Variants in NTN4 observed in about 807,000 individuals in gnomAD.
NTN4 encodes the protein netrin-4.
Under a neutral mutation model 73.6 loss-of-function variants are expected in NTN4, and 32 were observed. The ratio of observed to expected loss-of-function variants is 0.44; its 90% CI spans 0.33 to 0.58. The LOEUF (loss-of-function observed/expected upper bound fraction) is 0.58, where lower values mean the gene tolerates loss of function less well. NTN4 is among the 20% of genes least tolerant of loss of function. The pLI is 0.04. For synonymous variants in NTN4, 258 were observed against 287.5 expected (o/e 0.90, Z 1.04); for missense variants, 654 against 798.3 (o/e 0.82, Z 2.18).
chr12:95,749,480 A>C (rs1203779581), intron 2 of NTN4, among the ~76,000 whole-genome samples: 4 of 152,096 alleles, frequency 2.6e-5, no homozygotes, highest in Non-Finnish European at 4.4e-5. Flanking sequence ...ACTGTCCCTC[A>C]ACCACTTTCT....
intron 9 of NTN4, among the ~76,000 whole-genome samples, chr12:95,662,267 G>C (rs1160500500): frequency 4.4e-5 from 5 of 114,224 alleles, no homozygotes; most frequent in African/African-American, 1.4e-4. Context: ...GTCTCACTCT[G>C]TCACCCAGGC....
At chr12:95,676,404 G>C (rs1444630972) in intron 7 of NTN4, among the ~76,000 whole-genome samples, 1 of 150,884 alleles carries the variant, frequency 6.6e-6, no homozygotes, top group Non-Finnish European at 1.5e-5. Flanking sequence ...ACTGTGCCCA[G>C]CCCCGGGTAA....
chr12:95,781,549 A>C lies in NTN4; in HGVS notation c.585+5390T>G, dbSNP rs7303901. ...ATAGGATGATCTGTGCAGCAAACCA[A>C]TATGGCACACATTTACCTATGCAAC... On this transcript the variant is annotated intron_variant, in intron 2 of 9. Coordinates refer to ENST00000343702, the MANE Select transcript of NTN4 (RefSeq NM_021229.4). The surrounding 1 kb of genome is among the most constrained non-coding windows in gnomAD (Gnocchi z 4.1). Among the ~76,000 whole-genome samples, 93,210 of 151,832 alleles carry C rather than the reference A, an allele frequency of 0.61. 29,267 individuals are homozygous for C. The highest frequency in any genetic ancestry group is 0.78 in the South Asian group (3,758 of 4,810).
intron 8 of NTN4, 137 bp from the exon 9 acceptor site, chr12:95,666,117 T>C (rs2078177868): frequency 1.5e-6 from 1 of 678,250 alleles, no homozygotes; most frequent in South Asian, 2.1e-5. Flanking sequence ...TAAAAATCAT[T>C]AGGCATTAAC....
At chr12:95,691,279 A>G (rs951270850) in intron 5 of NTN4, among the ~76,000 whole-genome samples, 1 of 152,078 alleles carries the variant, frequency 6.6e-6, no homozygotes, top group African/African-American at 2.4e-5. Context: ...TCCCCAACAC[A>G]TATTTCTTAC....
At chr12:95,779,930 T>C (rs559137349) in intron 2 of NTN4, among the ~76,000 whole-genome samples, 4 of 152,176 alleles carry the variant, frequency 2.6e-5, no homozygotes, top group Non-Finnish European at 5.9e-5. Context: ...CAAAACAGCA[T>C]GGTACTGGTA....
At chr12:95,786,884 G>T in intron 2 of NTN4, 55 bp downstream of exon 2, 1 of 1,442,628 alleles carries the variant, frequency 6.9e-7, no homozygotes, top group Non-Finnish European at 9.5e-7. Flanking sequence ...AAAAATGCGG[G>T]CTGGTAACAT....
intron 2 of NTN4, among the ~76,000 whole-genome samples, chr12:95,740,739 G>T (rs2078817944): frequency 6.6e-6 from 1 of 152,154 alleles, no homozygotes; most frequent in African/African-American, 2.4e-5. Context: ...ACTTCTGTAT[G>T]TATGCATACA....
chr12:95,690,884 C>G (rs1592667143), intron 5 of NTN4, among the ~76,000 whole-genome samples: 2 of 152,136 alleles, frequency 1.3e-5, no homozygotes, highest in East Asian at 3.9e-4. Flanking sequence ...ATAGAAAATT[C>G]AAGCATTTCC....
intron 2 of NTN4, among the ~76,000 whole-genome samples, chr12:95,742,308 A>G (rs2078832444): frequency 6.6e-6 from 1 of 152,066 alleles, no homozygotes; most frequent in Non-Finnish European, 1.5e-5. Context: ...AGCCTGGTTA[A>G]CATGGTGAAA....
rs11108208 is a variant in NTN4 at position 95,715,936 on chromosome 12, G to A, written c.865-2598C>T. ...AAATGCTGACTTCAAAGAAAAGAGA[G>A]TCTTTGAGAAAATGACTGTGTAGGA... On this transcript the variant is annotated intron_variant, in intron 3 of 9. Transcript: ENST00000343702. Among the ~76,000 whole-genome samples the A allele has an allele frequency of 4.4e-4, 67 of 152,226 alleles. No homozygotes were observed. The East Asian group carries it at 0.013, about 29-fold the overall frequency.
Position 95,685,889 on chromosome 12 carries a change from TC to T in NTN4, c.1181-2179del, listed in dbSNP as rs1171479339. Among the ~76,000 whole-genome samples, 5 of 152,174 alleles carry T rather than the reference TC, an allele frequency of 3.3e-5. No individual in the cohort carries two copies. The South Asian group carries it at 6.2e-4, about 19-fold the overall frequency. On this transcript the variant is annotated intron_variant, in intron 5 of 9. Coordinates refer to ENST00000343702, the MANE Select transcript of NTN4 (RefSeq NM_021229.4). ...TTAACTAATTAATCCAATAGATAAT[TC>T]TTTTTTTTTTTCTTTAGAGAAGGTT...
chr12:95,740,937 G>A (rs1323315340), intron 2 of NTN4, among the ~76,000 whole-genome samples: 2 of 152,222 alleles, frequency 1.3e-5, no homozygotes, highest in East Asian at 1.9e-4. Context: ...TGCAGGTGGG[G>A]CCCAGCAATC....
chr12:95,709,788 C>T (rs1354231592), intron 5 of NTN4, among the ~76,000 whole-genome samples: 1 of 152,168 alleles, frequency 6.6e-6, no homozygotes, highest in Non-Finnish European at 1.5e-5. Context: ...CTGCCTTGGC[C>T]TCCCAAAGTG....
At chr12:95,679,416 A>G (rs773191159) in intron 7 of NTN4, among the ~76,000 whole-genome samples, 3 of 152,268 alleles carry the variant, frequency 2.0e-5, no homozygotes, top group South Asian at 2.1e-4. Context: ...TCCCATGACC[A>G]TATCTTAGAC....
At chr12:95,710,953 G>A (rs1251477355) in intron 4 of NTN4, among the ~76,000 whole-genome samples, 2 of 152,170 alleles carry the variant, frequency 1.3e-5, no homozygotes, top group African/African-American at 2.4e-5. Flanking sequence ...GCAGTGAGCT[G>A]AGATTGCGCC....
At chr12:95,706,815 G>A (rs1174556440) in intron 5 of NTN4, among the ~76,000 whole-genome samples, 1 of 152,068 alleles carries the variant, frequency 6.6e-6, no homozygotes, top group East Asian at 1.9e-4. Flanking sequence ...AAATTTGGGG[G>A]GGCGGGGCAT....
At chr12:95,706,812 G>T (rs1468124195) in intron 5 of NTN4, among the ~76,000 whole-genome samples, 3 of 152,050 alleles carry the variant, frequency 2.0e-5, no homozygotes, top group East Asian at 1.9e-4. Context: ...GTAAAATTTG[G>T]GGGGGCGGGG....
chr12:95,714,068 G>A (rs1565893668), intron 3 of NTN4, among the ~76,000 whole-genome samples: 1 of 151,966 alleles, frequency 6.6e-6, no homozygotes, highest in African/African-American at 2.4e-5. Flanking sequence ...CCTAATGACT[G>A]GGCATTTTTT....
Sources: gnomAD v4.1 joint callset for allele counts (sites outside exome capture counted in the v4.1 genomes callset) on GRCh38, gnomAD v4.1.1 for gene constraint, Gnocchi (gnomAD v3.1) non-coding constraint, MANE v1.5 for transcripts, NCBI Gene and HGNC (gene_info 2026-07-23, HGNC 2026-07-21) for gene names.